RUNX1T1: variants seen among roughly 807,000 people sequenced by gnomAD.
The protein encoded by RUNX1T1 is protein CBFA2T1.
In RUNX1T1, 4 loss-of-function variants were observed where a neutral mutation model predicts 62.8. The ratio of observed to expected loss-of-function variants is 0.06; its 90% CI spans 0.03 to 0.15. The LOEUF (loss-of-function observed/expected upper bound fraction) is 0.15, where lower values mean the gene tolerates loss of function less well. Among genes scored for constraint, RUNX1T1 ranks in the 10% least tolerant of loss-of-function variants. The pLI, the probability that RUNX1T1 is intolerant of heterozygous loss-of-function variation, is 1.00. For synonymous variants in RUNX1T1, 291 were observed against 286.0 expected (o/e 1.02, Z -0.18); for missense variants, 508 against 754.3 (o/e 0.67, Z 3.82).
intron 1 of RUNX1T1, among the ~76,000 whole-genome samples, chr8:92,058,164 C>T (rs1379130537): frequency 6.6e-6 from 1 of 152,096 alleles, no homozygotes; most frequent in East Asian, 1.9e-4. Context: ...ACTAGAACTC[C>T]AAACTTTTGG....
chr8:92,075,925 TAA>T, intron 2 of RUNX1T1, 38 bp downstream of exon 2: 1 of 1,557,096 alleles, frequency 6.4e-7, no homozygotes, highest in Non-Finnish European at 8.7e-7. Flanking sequence ...TTCTGGTACG[TAA>T]GTAAATTGCA....
At chr8:91,959,460 GT>G (rs1809954790) in exon 11 of RUNX1T1, 2 of 114,378 alleles carry the variant, frequency 1.7e-5, no homozygotes. Context: ...GTGTGTGTGT[GT>G]GTGTGTATAT....
exon 2 of RUNX1T1, chr8:92,017,345 G>C: frequency 6.2e-7 from 1 of 1,613,948 alleles, no homozygotes; most frequent in Non-Finnish European, 8.5e-7. Context: ...TGGCATTGTG[G>C]AGTGCTTCTC....
At chr8:92,044,207 T>C (rs1828988278) in intron 1 of RUNX1T1, among the ~76,000 whole-genome samples, 1 of 151,978 alleles carries the variant, frequency 6.6e-6, no homozygotes, top group Non-Finnish European at 1.5e-5. Context: ...AATGAACCAA[T>C]ATGCACTCGC....
At chr8:91,965,586 T>C (rs1421255012) in intron 10 of RUNX1T1, among the ~76,000 whole-genome samples, 1 of 152,186 alleles carries the variant, frequency 6.6e-6, no homozygotes, top group African/African-American at 2.4e-5. Context: ...TTCAACTGCC[T>C]GTTCTGTAGG....
At chr8:91,998,114 C>T (rs965525540) in intron 5 of RUNX1T1, among the ~76,000 whole-genome samples, 1 of 152,088 alleles carries the variant, frequency 6.6e-6, no homozygotes, top group Non-Finnish European at 1.5e-5. Context: ...GAAAATCACT[C>T]TCATCATCAT....
intron 1 of RUNX1T1, among the ~76,000 whole-genome samples, chr8:92,059,331 C>A (rs915691602): frequency 5.3e-5 from 8 of 152,026 alleles, no homozygotes; most frequent in African/African-American, 1.7e-4. Context: ...AAAAAAAAAT[C>A]CAAGTGCATT....
Position 92,050,064 on chromosome 8 carries a change from T to A in RUNX1T1, c.7+12482A>T, listed in dbSNP as rs542069556. 9.2e-5 allele frequency among the ~76,000 whole-genome samples: 14 copies of A among 152,302 alleles called. 1 individual carries two copies. The South Asian group carries it at 2.9e-3, about 32-fold the overall frequency. On this transcript the variant is annotated intron_variant, in intron 1 of 10. Transcript: ENST00000396218. ...CAATTAATAAGGCAGTTTGGCTTCTTCAATGTTAAACATGTCTTGAGGAAA... is the reference window on the plus strand; with the variant it reads ...CAATTAATAAGGCAGTTTGGCTTCTACAATGTTAAACATGTCTTGAGGAAA...
intron 2 of RUNX1T1, among the ~76,000 whole-genome samples, chr8:92,074,297 G>T (rs1834101641): frequency 1.3e-5 from 2 of 152,152 alleles, no homozygotes; most frequent in Admixed American, 1.3e-4. Context: ...ATGCTGCAAT[G>T]GTTCATTGCC....
intron 1 of RUNX1T1, among the ~76,000 whole-genome samples, chr8:92,092,216 G>A (rs1837135124): frequency 6.6e-6 from 1 of 152,092 alleles, no homozygotes; most frequent in Non-Finnish European, 1.5e-5. Context: ...TTATAAGGAC[G>A]CAGTATTATT....
intron 4 of RUNX1T1, among the ~76,000 whole-genome samples, chr8:92,008,398 A>T (rs138550586): frequency 0.19 from 27,282 of 145,226 alleles, 2,686 homozygotes; most frequent in Middle Eastern, 0.27. Flanking sequence ...TCACACACAC[A>T]CACACACACA....
At chr8:91,978,519 A>C (rs935562477) in intron 8 of RUNX1T1, among the ~76,000 whole-genome samples, 4 of 152,136 alleles carry the variant, frequency 2.6e-5, no homozygotes, top group African/African-American at 9.7e-5. Flanking sequence ...AAATACCACA[A>C]ATTTTGAAGA....
At chr8:92,082,951 T>G (rs1835510997) in intron 1 of RUNX1T1, among the ~76,000 whole-genome samples, 1 of 152,062 alleles carries the variant, frequency 6.6e-6, no homozygotes, top group Non-Finnish European at 1.5e-5. Flanking sequence ...AAGGGACAAC[T>G]GGAGGGAATC....
At chr8:91,995,490 T>G (rs1818484967) in intron 5 of RUNX1T1, among the ~76,000 whole-genome samples, 1 of 152,102 alleles carries the variant, frequency 6.6e-6, no homozygotes, top group Non-Finnish European at 1.5e-5. Context: ...CTAACAGTTG[T>G]GAAACATTAA....
intron 1 of RUNX1T1, among the ~76,000 whole-genome samples, chr8:92,080,642 GCACTCTATTCATTC>G (rs1835106585): frequency 6.6e-6 from 1 of 152,208 alleles, no homozygotes; most frequent in Non-Finnish European, 1.5e-5. Flanking sequence ...CTACATTGAT[GCACTCTATTCATTC>G]CATTGGCAGG....
intron 1 of RUNX1T1, among the ~76,000 whole-genome samples, chr8:92,060,458 G>A (rs1269220292): frequency 6.8e-6 from 1 of 146,632 alleles, no homozygotes; most frequent in Non-Finnish European, 1.5e-5. Flanking sequence ...AAAGGCCCTA[G>A]ATATGGCAAT....
chr8:92,064,685 T>C (rs1368008878), upstream of RUNX1T1, among the ~76,000 whole-genome samples: 1 of 152,148 alleles, frequency 6.6e-6, no homozygotes, highest in African/African-American at 2.4e-5. Context: ...ACCCAACCTT[T>C]CATCAATATG....
Position 92,005,314 on chromosome 8 carries a change from G to C in RUNX1T1, c.478-17C>G. 1 of 1,606,090 alleles carries C rather than the reference G, an allele frequency of 6.2e-7. No homozygotes were observed. Among genetic ancestry groups the C allele is most frequent in the Non-Finnish European group, 8.5e-7 (1 of 1,177,670 alleles). ...CAAGTTGGCCTGCAAGGGAATGACAGGAATGAGAGGACGGACTGAAAGTTT... is the reference window on the plus strand; with the variant it reads ...CAAGTTGGCCTGCAAGGGAATGACACGAATGAGAGGACGGACTGAAAGTTT... On this transcript the variant is annotated splice_polypyrimidine_tract_variant and intron_variant, in intron 4 of 10. Transcript: ENST00000396218.
chr8:92,050,643 A>C (rs1164549773), intron 1 of RUNX1T1, among the ~76,000 whole-genome samples: 1 of 152,208 alleles, frequency 6.6e-6, no homozygotes, highest in Non-Finnish European at 1.5e-5. Flanking sequence ...CATTTTACTG[A>C]TCTTAAAACT....
Sources: gnomAD v4.1 joint callset for allele counts (sites outside exome capture counted in the v4.1 genomes callset) on GRCh38, gnomAD v4.1.1 for gene constraint, MANE v1.5 for transcripts, NCBI Gene and HGNC (gene_info 2026-07-23, HGNC 2026-07-21) for gene names.